The following GPC5 variants were observed in gnomAD, a reference collection of about 807,000 sequenced individuals.
The protein encoded by GPC5 is glypican 5.
A neutral mutation model predicts 53.9 loss-of-function variants in GPC5; 47 were observed. The observed-to-expected ratio is 0.87, with a 90% confidence interval of 0.69 to 1.11. The LOEUF (loss-of-function observed/expected upper bound fraction) is 1.11, where lower values mean the gene tolerates loss of function less well. Ranked by LOEUF, GPC5 falls within the 50% of genes most tolerant of loss-of-function variation. The pLI, the probability that GPC5 is intolerant of heterozygous loss-of-function variation, is 0.00. For synonymous variants in GPC5, 286 were observed against 263.3 expected (o/e 1.09, Z -0.84); for missense variants, 748 against 713.1 (o/e 1.05, Z -0.56).
chr13:92,348,015 T>C (rs1220837248), intron 7 of GPC5, among the ~76,000 whole-genome samples: 1 of 99,724 alleles, frequency 1.0e-5, no homozygotes, highest in African/African-American at 3.6e-5. Flanking sequence ...ATACCACTTC[T>C]TAAAAAAAAA....
intron 2 of GPC5, among the ~76,000 whole-genome samples, chr13:91,525,279 C>T (rs1376103844): frequency 6.6e-6 from 1 of 152,016 alleles, no homozygotes; most frequent in East Asian, 1.9e-4. Flanking sequence ...ATTATGTAAT[C>T]AATAAAAATC....
chr13:91,673,039 A>G (rs1438368084), intron 2 of GPC5, among the ~76,000 whole-genome samples: 1 of 151,454 alleles, frequency 6.6e-6, no homozygotes, highest in African/African-American at 2.4e-5. Flanking sequence ...ATGAGAACAC[A>G]TGGATACGGG....
intron 5 of GPC5, among the ~76,000 whole-genome samples, chr13:91,774,439 G>T (rs1006559072): frequency 2.6e-5 from 4 of 152,146 alleles, no homozygotes; most frequent in Admixed American, 6.5e-5. Context: ...ATACATAGCA[G>T]TAATTTCTGC....
Position 91,693,778 on chromosome 13 carries a change from T to C in GPC5, c.917T>C (p.Met306Thr). The change falls in exon 3 of 8, where the codon ATG (methionine) becomes ACG (threonine). Residue 306 changes from methionine to threonine, a missense_variant. Met to Thr is a moderately conservative substitution (Grantham distance 81, BLOSUM62 -1). Transcript: ENST00000377067. ...IRSLEELSDA[M>T]HGTYDIGHVL... is the part of the protein sequence containing the mutation. ...TCGTTGGAAGAACTCTCGGATGCAA[T>C]GCATGGAACATACGACATTGGACAC... is the stretch of plus-strand genomic sequence containing the variant. 1.2e-6 allele frequency: 2 copies of C among 1,614,126 alleles called. No individual in the cohort carries two copies. The highest frequency in any genetic ancestry group is 1.7e-6 in the Non-Finnish European group (2 of 1,180,020).
At chr13:92,437,854 C>T (rs1040989391) in intron 7 of GPC5, among the ~76,000 whole-genome samples, 7 of 152,112 alleles carry the variant, frequency 4.6e-5, no homozygotes, top group African/African-American at 7.2e-5. Flanking sequence ...ATGAATCCTT[C>T]TCCTGCTGTA....
chr13:91,913,175 C>T (rs1236118978), intron 6 of GPC5, among the ~76,000 whole-genome samples: 31 of 151,930 alleles, frequency 2.0e-4, no homozygotes, highest in East Asian at 5.8e-4. Flanking sequence ...CCGAGGTGGG[C>T]GGATCACGAG....
intron 2 of GPC5, among the ~76,000 whole-genome samples, chr13:91,475,904 C>T (rs976353368): frequency 6.6e-6 from 1 of 152,110 alleles, no homozygotes; most frequent in Admixed American, 6.6e-5. Flanking sequence ...TGCTTGCTGA[C>T]CAGTGATCTA....
intron 7 of GPC5, among the ~76,000 whole-genome samples, chr13:92,319,379 T>G (rs1011339897): frequency 6.6e-6 from 1 of 151,030 alleles, no homozygotes; most frequent in South Asian, 2.1e-4. Context: ...CAATGTATTT[T>G]TTTTTCCCCA....
intron 7 of GPC5, among the ~76,000 whole-genome samples, chr13:92,220,519 A>T (rs892538073): frequency 2.0e-5 from 3 of 152,224 alleles, no homozygotes. Flanking sequence ...AAAGATACAG[A>T]TAGCAATTTT....
At chr13:92,191,497 A>G (rs939729675) in intron 7 of GPC5, among the ~76,000 whole-genome samples, 2 of 152,164 alleles carry the variant, frequency 1.3e-5, no homozygotes, top group Non-Finnish European at 2.9e-5. Context: ...ACATACTCTT[A>G]CCATATGTTC....
intron 7 of GPC5, among the ~76,000 whole-genome samples, chr13:92,323,597 T>C (rs1275272881): frequency 6.6e-6 from 1 of 151,770 alleles, no homozygotes; most frequent in Non-Finnish European, 1.5e-5. Context: ...TTTTTACTTA[T>C]ATAGTGGATC....
chr13:92,289,964 T>C (rs924327672), intron 7 of GPC5, among the ~76,000 whole-genome samples: 32 of 152,252 alleles, frequency 2.1e-4, no homozygotes, highest in Middle Eastern at 3.4e-3. Flanking sequence ...ATATTCCTTT[T>C]AAATTGTTGA....
intron 7 of GPC5, among the ~76,000 whole-genome samples, chr13:92,763,656 T>G (rs905735338): frequency 3.3e-5 from 5 of 152,026 alleles, no homozygotes; most frequent in Admixed American, 1.3e-4. Context: ...GCCACCTGGG[T>G]CTTGTGGTGC....
intron 7 of GPC5, among the ~76,000 whole-genome samples, chr13:92,210,567 T>C (rs2042367794): frequency 6.6e-6 from 1 of 152,196 alleles, no homozygotes; most frequent in African/African-American, 2.4e-5. Context: ...TAATAATATA[T>C]GAATAACAAT....
chr13:92,090,543 C>T (rs1222519382), intron 6 of GPC5, among the ~76,000 whole-genome samples: 4 of 152,128 alleles, frequency 2.6e-5, no homozygotes, highest in African/African-American at 4.8e-5. Flanking sequence ...TAGGACTTCC[C>T]ACCCTCCAGA....
At chr13:92,765,442 T>C (rs1161626792) in intron 7 of GPC5, among the ~76,000 whole-genome samples, 1 of 152,194 alleles carries the variant, frequency 6.6e-6, no homozygotes, top group Non-Finnish European at 1.5e-5. Flanking sequence ...CCAATACAAG[T>C]TTTGTTCTAC....
intron 7 of GPC5, among the ~76,000 whole-genome samples, chr13:92,253,580 G>C (rs2042706679): frequency 6.6e-6 from 1 of 152,074 alleles, no homozygotes; most frequent in Non-Finnish European, 1.5e-5. Flanking sequence ...ATGCAGCCAT[G>C]GCATTGCAAA....
At chr13:92,000,613 T>G (rs1386234559) in intron 6 of GPC5, among the ~76,000 whole-genome samples, 1 of 152,152 alleles carries the variant, frequency 6.6e-6, no homozygotes, top group African/African-American at 2.4e-5. Context: ...CAATTCATTT[T>G]TCTTGAAACA....
intron 5 of GPC5, among the ~76,000 whole-genome samples, chr13:91,846,333 A>G (rs1201630841): frequency 6.6e-6 from 1 of 152,142 alleles, no homozygotes; most frequent in African/African-American, 2.4e-5. Context: ...ATACACTATC[A>G]TAGTACCGCC....
Sources: gnomAD v4.1 joint callset for allele counts (sites outside exome capture counted in the v4.1 genomes callset) on GRCh38, gnomAD v4.1.1 for gene constraint, MANE v1.5 for transcripts, NCBI Gene and HGNC (gene_info 2026-07-23, HGNC 2026-07-21) for gene names.